The following UNC80 variants were observed in gnomAD, a reference collection of about 807,000 sequenced individuals.
The protein encoded by UNC80 is unc-80 subunit of NALCN channel complex, also known as protein unc-80 homolog.
Under a neutral mutation model 384.6 loss-of-function variants are expected in UNC80, and 164 were observed. The observed-to-expected ratio is 0.43, with a 90% CI of 0.38 to 0.49. The LOEUF (loss-of-function observed/expected upper bound fraction) is 0.49, where lower values mean the gene tolerates loss of function less well. UNC80 is among the 20% of genes least tolerant of loss of function. The probability of loss-of-function intolerance (pLI) is 0.00; values close to 1 mark genes in which losing one functional copy is unlikely to be tolerated. For synonymous variants in UNC80, 1,486 were observed against 1,527.8 expected (o/e 0.97, Z 0.64); for missense variants, 3,330 against 4,143.0 (o/e 0.80, Z 5.39).
rs143612678 is a variant in UNC80, at chr2:209,776,047, T to C, written c.298+2T>C. 80 of 1,613,922 alleles carry C rather than the reference T, an allele frequency of 5.0e-5. No individual in the cohort carries two copies. The highest frequency in any genetic ancestry group is 6.6e-5 in the Non-Finnish European group (78 of 1,179,936). On this transcript the variant is annotated splice_donor_variant, in intron 3 of 64. Coordinates refer to ENST00000673920, the MANE Select transcript of UNC80 (RefSeq NM_001371986.1). LOFTEE classifies it high-confidence loss of function. ...TGCTTTCAAACCGAAACAAGCTAGGTTGGTGCCCCGCATTACTTCTTTATT... is the reference window on the plus strand; with the variant it reads ...TGCTTTCAAACCGAAACAAGCTAGGCTGGTGCCCCGCATTACTTCTTTATT...
intron 24 of UNC80, among the ~76,000 whole-genome samples, chr2:209,880,101 TTTGA>T (rs1390950908): frequency 2.0e-5 from 3 of 152,196 alleles, no homozygotes; most frequent in African/African-American, 4.8e-5. Flanking sequence ...TCTACATGGC[TTTGA>T]TTTTTTCTGA....
chr2:209,944,372 C>G (rs1414291132), intron 45 of UNC80, among the ~76,000 whole-genome samples: 1 of 152,174 alleles, frequency 6.6e-6, no homozygotes, highest in Non-Finnish European at 1.5e-5. Flanking sequence ...GTTTCATTAA[C>G]ATGAATTTCT....
chr2:209,876,188 C>G (rs1464110892), intron 23 of UNC80, among the ~76,000 whole-genome samples: 3 of 152,110 alleles, frequency 2.0e-5, no homozygotes, highest in African/African-American at 7.2e-5. Context: ...AGTCAGACAT[C>G]CTATGTTTGA....
chr2:209,995,746 T>C lies in UNC80; in HGVS notation c.*151T>C. On this transcript the variant is annotated 3_prime_UTR_variant, in exon 65 of 65. Coordinates refer to ENST00000673920, the MANE Select transcript of UNC80 (RefSeq NM_001371986.1). ...AAATCTGAATAGGTTTTGCTGCCAA[T>C]ACACATGATGTTTCATAAACATCTT... 4 of 860,620 alleles carry C rather than the reference T, an allele frequency of 4.6e-6. No individual in the cohort carries two copies. The highest frequency in any genetic ancestry group is 7.0e-6 in the Non-Finnish European group (4 of 572,736). 53.3% of individuals were successfully genotyped at this position (860,620 alleles called of 1,614,324 possible). A position where few individuals can be genotyped will look rare whatever the true frequency, so the allele number is the denominator to read the frequency against.
intron 22 of UNC80, among the ~76,000 whole-genome samples, chr2:209,866,533 CAGAGAGAGAGAGAG>C (rs369408644): frequency 1.9e-5 from 2 of 104,086 alleles, no homozygotes; most frequent in East Asian, 2.6e-4. Flanking sequence ...CACACACACA[CAGAGAGAGAGAGAG>C]AGAGAGAGAG....
chr2:209,970,648 G>A (rs1239971042), intron 53 of UNC80, among the ~76,000 whole-genome samples, 184 bp from the exon 54 acceptor site: 1 of 152,238 alleles, frequency 6.6e-6, no homozygotes, highest in Non-Finnish European at 1.5e-5. Context: ...TGAATTCAGT[G>A]TAATGTTCGA....
At chr2:209,776,865 G>C (rs139566441) in intron 3 of UNC80, among the ~76,000 whole-genome samples, 1 of 152,114 alleles carries the variant, frequency 6.6e-6, no homozygotes, top group South Asian at 2.1e-4. Flanking sequence ...CCACGTTAGC[G>C]TACATACTCT....
In UNC80 at chr2:209,796,897, G is replaced by A. The variant is rs74905807; in HGVS notation, c.938+3038G>A. Reference sequence around the variant, plus strand: ...TGATTTTTAGTAAATTTACAGAATTGTGCAACTACCACTACAATCCAATTT... The same window carrying A: ...TGATTTTTAGTAAATTTACAGAATTATGCAACTACCACTACAATCCAATTT... On this transcript the variant is annotated intron_variant, in intron 7 of 64. Transcript: ENST00000673920. Among the ~76,000 whole-genome samples the A allele has an allele frequency of 1.2e-3, 181 of 152,238 alleles. 2 individuals carry two copies. In the East Asian group the frequency reaches 0.021, roughly 18 times the overall value.
At chr2:209,859,793 C>A (rs2083218299) in intron 22 of UNC80, among the ~76,000 whole-genome samples, 1 of 152,144 alleles carries the variant, frequency 6.6e-6, no homozygotes, top group African/African-American at 2.4e-5. Flanking sequence ...TGATGTTGAG[C>A]TTTTTTTCAT....
At position 209,973,414 on chromosome 2, in the gene UNC80, C is replaced by T. The variant is rs191559834; in HGVS notation, c.8587+144C>T. The T allele has an allele frequency of 6.3e-4, 500 of 795,618 alleles. 4 individuals are homozygous for T. In the African/African-American group the frequency reaches 8.2e-3, roughly 13 times the overall value. The allele number at this position is 795,618 out of a possible 1,614,324, so 49.3% of individuals were successfully genotyped here. On this transcript the variant is annotated intron_variant, in intron 56 of 64. Coordinates refer to ENST00000673920, the MANE Select transcript of UNC80 (RefSeq NM_001371986.1). ...TAACTCAGAAAGAATTTAGAGAGAC[C>T]TCAAACCAGAATGTATTTAAAGAGA...
chr2:209,885,251 C>T (rs1574885616), intron 25 of UNC80, among the ~76,000 whole-genome samples: 3 of 152,110 alleles, frequency 2.0e-5, no homozygotes, highest in South Asian at 2.1e-4. Context: ...ACAGAAATAA[C>T]TATACTGTAA....
intron 48 of UNC80, 41 bp downstream of exon 48, chr2:209,954,311 T>G: frequency 7.2e-7 from 1 of 1,382,408 alleles, no homozygotes; most frequent in Non-Finnish European, 9.4e-7. Context: ...TTACATCATA[T>G]GTTTCCACTG....
intron 41 of UNC80, 42 bp downstream of exon 41, chr2:209,936,975 GGC>G (rs768383800): frequency 5.1e-6 from 7 of 1,363,694 alleles, no homozygotes; most frequent in Non-Finnish European, 7.2e-6. Flanking sequence ...TTGTGCCAAA[GGC>G]TTATCATGCC....
At chr2:209,855,244 A>G (rs898712506) in intron 22 of UNC80, among the ~76,000 whole-genome samples, 15 of 152,190 alleles carry the variant, frequency 9.9e-5, no homozygotes, top group African/African-American at 3.6e-4. Flanking sequence ...GAGCTGAACA[A>G]TGAGAACACA....
At chr2:209,840,765 C>T (rs2081677751) in intron 20 of UNC80, 117 bp downstream of exon 20, 1 of 781,814 alleles carries the variant, frequency 1.3e-6, no homozygotes, top group Admixed American at 2.7e-5. Context: ...AGAAACTCTC[C>T]AGATGAGCTA....
chr2:209,994,118 G>GC lies in UNC80; in HGVS notation c.9566dup (p.Thr3190AsnfsTer14). 2 of 1,551,692 alleles carry GC rather than the reference G, an allele frequency of 1.3e-6. No individual in the cohort carries two copies. Among genetic ancestry groups the GC allele is most frequent in the Non-Finnish European group, 1.7e-6 (2 of 1,147,006 alleles). On this transcript the variant is annotated frameshift_variant, in exon 64 of 65. Transcript: ENST00000673920. LOFTEE classifies it high-confidence loss of function. ...TGAGGCTCAGCCAGAGCCAGCAGCT[G>GC]CCCCAACAGATGCGCTTCCTGCAAC...
Position 209,813,858 on chromosome 2 carries a change from T to A in UNC80, c.1200+17T>A. The A allele has an allele frequency of 6.5e-7, 1 of 1,546,616 alleles. No individual in the cohort carries two copies. Among genetic ancestry groups the A allele is most frequent in the Non-Finnish European group, 8.7e-7 (1 of 1,144,240 alleles). On this transcript the variant is annotated intron_variant, in intron 8 of 64. Coordinates refer to ENST00000673920, the MANE Select transcript of UNC80 (RefSeq NM_001371986.1). ...AAAACCCAAGTAAGAAAAACCCGGT[T>A]CATTGTCATTCAAACCAGCAACTTT... is the stretch of plus-strand genomic sequence containing the variant.
chr2:209,941,402 T>A lies in UNC80; in HGVS notation c.6828T>A (p.Tyr2276Ter), dbSNP rs1289747662. The change falls in exon 44 of 65, where the codon TAT (tyrosine) becomes TAA (stop). Residue 2276 changes from tyrosine (Y) to a stop codon, truncating the protein, a stop_gained. Transcript: ENST00000673920. LOFTEE classifies it high-confidence loss of function. ...AAGACAGTGCCCTGCTCAGGCAGTA[T>A]GCTGCCACCGTCATCAACACCGCGG... ...HPEDSALLRQ[Y>*]AATVINTAVH... 1 of 1,549,814 alleles carries A rather than the reference T, an allele frequency of 6.5e-7. No individual in the cohort carries two copies. The highest frequency in any genetic ancestry group is 8.7e-7 in the Non-Finnish European group (1 of 1,145,950).
At chr2:209,798,672 T>A (rs1247967192) in intron 7 of UNC80, among the ~76,000 whole-genome samples, 1 of 150,960 alleles carries the variant, frequency 6.6e-6, no homozygotes, top group Non-Finnish European at 1.5e-5. Context: ...TTTATTTTTT[T>A]ATTTTTATTA....
Sources: allele counts gnomAD v4.1 joint callset (sites outside exome capture counted in the v4.1 genomes callset), GRCh38; gene constraint gnomAD v4.1.1; transcripts MANE v1.5; gene names NCBI Gene and HGNC (gene_info 2026-07-23, HGNC 2026-07-21).